The following SIPA1L1 variants were observed in gnomAD, a reference collection of about 807,000 sequenced individuals.
The protein encoded by SIPA1L1 is signal-induced proliferation-associated 1-like protein 1.
In SIPA1L1, 26 loss-of-function variants were observed where a neutral mutation model predicts 162.7. The ratio of observed to expected loss-of-function variants is 0.16; its 90% CI spans 0.12 to 0.22. SIPA1L1 has a LOEUF of 0.22. Among genes scored for constraint, SIPA1L1 ranks in the 10% least tolerant of loss-of-function variants. The pLI is 1.00. For synonymous variants in SIPA1L1, 829 were observed against 837.4 expected, an observed-to-expected ratio of 0.99 and a Z score of 0.17; for missense variants, 1,874 against 2,241.0, an observed-to-expected ratio of 0.84 and a Z score of 3.31.
At chr14:71,426,067 A>G (rs1029297004) in intron 2 of SIPA1L1, among the ~76,000 whole-genome samples, 1 of 152,156 alleles carries the variant, frequency 6.6e-6, no homozygotes, top group African/African-American at 2.4e-5. Context: ...TGCACTTAGA[A>G]TCTGTTTGTG....
At chr14:71,702,836 T>C (rs2082185210) in intron 15 of SIPA1L1, among the ~76,000 whole-genome samples, 1 of 152,216 alleles carries the variant, frequency 6.6e-6, no homozygotes, top group African/African-American at 2.4e-5. Context: ...GATTGCTTGG[T>C]ATACTTAATG....
chr14:71,708,420 G>T (rs912159667), intron 16 of SIPA1L1, among the ~76,000 whole-genome samples: 14 of 151,640 alleles, frequency 9.2e-5, no homozygotes, highest in Admixed American at 9.2e-4. Context: ...AACCTCCTGG[G>T]CTCAAGCGAT....
intron 2 of SIPA1L1, among the ~76,000 whole-genome samples, chr14:71,454,810 C>T (rs1466487037): frequency 1.3e-5 from 2 of 152,192 alleles, no homozygotes; most frequent in African/African-American, 4.8e-5. Context: ...ATAAAGCACA[C>T]ATGAGATGGG....
intron 12 of SIPA1L1, among the ~76,000 whole-genome samples, chr14:71,677,367 A>G (rs1246688994): frequency 2.0e-5 from 3 of 152,084 alleles, no homozygotes; most frequent in Non-Finnish European, 4.4e-5. Flanking sequence ...TAGATTCTGG[A>G]TGTTAGCCCT....
chr14:71,573,455 G>A (rs760051156), intron 4 of SIPA1L1: 4 of 421,724 alleles, frequency 9.5e-6, no homozygotes, highest in South Asian at 5.1e-5. Context: ...AGCATTCACA[G>A]TGTGTCCTGT....
chr14:71,564,490 CTTTTT>C (rs370431365), intron 4 of SIPA1L1, among the ~76,000 whole-genome samples: 1 of 97,830 alleles, frequency 1.0e-5, no homozygotes, highest in South Asian at 3.4e-4. Flanking sequence ...CATTTTCTTT[CTTTTT>C]TTTTTTCCGA....
intron 4 of SIPA1L1, among the ~76,000 whole-genome samples, chr14:71,548,400 T>G (rs1329405850): frequency 2.6e-5 from 4 of 152,220 alleles, no homozygotes; most frequent in Non-Finnish European, 5.9e-5. Flanking sequence ...GTAGATTTTT[T>G]TTATTTATAT....
intron 2 of SIPA1L1, among the ~76,000 whole-genome samples, chr14:71,408,184 C>G (rs140412514): frequency 3.4e-4 from 51 of 152,236 alleles, no homozygotes; most frequent in African/African-American, 1.2e-3. Flanking sequence ...GTAGTTCCAT[C>G]TTTTTAGTTT....
chr14:71,383,883 T>C (rs926151542), intron 2 of SIPA1L1, among the ~76,000 whole-genome samples: 1 of 152,186 alleles, frequency 6.6e-6, no homozygotes, highest in African/African-American at 2.4e-5. Context: ...TTGGAAGGCA[T>C]GAATATCCAA....
At position 71,493,759 on chromosome 14, in the gene SIPA1L1, AAATT is replaced by A. The variant is rs555793859; in HGVS notation, c.-464-18981_-464-18978del. ...ATGATTTTATTCAAATGGATTAAGAAAATTAACGTGTGTTTATATTTGGAAAACG... is the reference window on the plus strand; with the variant it reads ...ATGATTTTATTCAAATGGATTAAGAAAACGTGTGTTTATATTTGGAAAACG... On this transcript the variant is annotated intron_variant, in intron 2 of 23. Transcript: ENST00000381232. Among the ~76,000 whole-genome samples the A allele has an allele frequency of 3.6e-3, 553 of 152,344 alleles. 9 individuals are homozygous for A. Among genetic ancestry groups the A allele is most frequent in the Non-Finnish European group, 4.6e-3 (310 of 68,034 alleles).
At chr14:71,681,299 C>G (rs1001872162) in intron 12 of SIPA1L1, among the ~76,000 whole-genome samples, 2 of 152,170 alleles carry the variant, frequency 1.3e-5, no homozygotes, top group Non-Finnish European at 2.9e-5. Context: ...ACCTCTGGGT[C>G]TTCACCGTCA....
chr14:71,385,437 A>G (rs1050451682), intron 2 of SIPA1L1, among the ~76,000 whole-genome samples: 40 of 152,312 alleles, frequency 2.6e-4, no homozygotes, highest in Middle Eastern at 3.4e-3. Flanking sequence ...ATGTTAAAAC[A>G]AAAGCTCCTC....
At chr14:71,381,866 A>T (rs1457038163) in intron 2 of SIPA1L1, among the ~76,000 whole-genome samples, 1 of 152,166 alleles carries the variant, frequency 6.6e-6, no homozygotes, top group Non-Finnish European at 1.5e-5. Flanking sequence ...TCCTTTTTGA[A>T]TCCATGATAC....
At chr14:71,425,677 A>C (rs1222883656) in intron 2 of SIPA1L1, among the ~76,000 whole-genome samples, 1 of 152,112 alleles carries the variant, frequency 6.6e-6, no homozygotes, top group African/African-American at 2.4e-5. Flanking sequence ...AAGAATGTGT[A>C]TACTGTTCTT....
intron 4 of SIPA1L1, among the ~76,000 whole-genome samples, chr14:71,569,749 G>A (rs1224671509): frequency 6.6e-6 from 1 of 152,232 alleles, no homozygotes; most frequent in Non-Finnish European, 1.5e-5. Context: ...GTAGGCTGGT[G>A]TGGTGTTGCC....
In SIPA1L1 at chr14:71,378,007, A is replaced by AGGAGAG. The variant is rs1390273944; in HGVS notation, c.-465+56839_-465+56844dup. ...GGGAGAGGGGGAGACAGTGGAAAGAAGGAGAGGGAGAGGGAGAGCTAATCT... is the reference window on the plus strand; with the variant it reads ...GGGAGAGGGGGAGACAGTGGAAAGAAGGAGAGGGAGAGGGAGAGGGAGAGCTAATCT... On this transcript the variant is annotated intron_variant, in intron 2 of 23. Transcript: ENST00000381232. Among the ~76,000 whole-genome samples, 3 of 152,212 alleles carry AGGAGAG rather than the reference A, an allele frequency of 2.0e-5. No homozygotes were observed. In the East Asian group the frequency reaches 5.8e-4, roughly 30 times the overall value.
chr14:71,405,025 A>G (rs1239504548), intron 2 of SIPA1L1, among the ~76,000 whole-genome samples: 1 of 152,244 alleles, frequency 6.6e-6, no homozygotes, highest in Admixed American at 6.5e-5. Flanking sequence ...CAAGGTTTCC[A>G]CCTTGAGGAA....
intron 2 of SIPA1L1, among the ~76,000 whole-genome samples, chr14:71,403,517 T>C (rs2041824412): frequency 6.7e-6 from 1 of 149,400 alleles, no homozygotes; most frequent in Admixed American, 6.7e-5. Context: ...GGAGAATCGC[T>C]TGAACCCAGG....
chr14:71,353,238 TG>T (rs1485063822), intron 2 of SIPA1L1, among the ~76,000 whole-genome samples: 13 of 152,270 alleles, frequency 8.5e-5, no homozygotes, highest in Admixed American at 3.9e-4. Flanking sequence ...GCTCTCTTAA[TG>T]GTGTCCTGTT....
Sources: gnomAD v4.1 joint callset for allele counts (sites outside exome capture counted in the v4.1 genomes callset) on GRCh38, gnomAD v4.1.1 for gene constraint, MANE v1.5 for transcripts, NCBI Gene and HGNC (gene_info 2026-07-23, HGNC 2026-07-21) for gene names.